The following GRM4 variants were observed in gnomAD, a reference collection of about 807,000 sequenced individuals.
GRM4 encodes metabotropic glutamate receptor 4.
GRM4 carries 28 observed loss-of-function variants against 81.7 expected under a neutral mutation model. The observed-to-expected ratio is 0.34, with a 90% CI of 0.25 to 0.47. GRM4 has a LOEUF of 0.47. Ranked by LOEUF, GRM4 falls within the 20% of genes least tolerant of loss-of-function variation. The pLI, the probability that GRM4 is intolerant of heterozygous loss-of-function variation, is 1.00. For missense variants in GRM4, 948 were observed against 1,290.0 expected, an observed-to-expected ratio of 0.73 and a Z score of 4.06; for synonymous variants, 488 against 528.8, an observed-to-expected ratio of 0.92 and a Z score of 1.06.
chr6:34,075,676 C>G (rs1470572975), intron 3 of GRM4, among the ~76,000 whole-genome samples: 3 of 152,222 alleles, frequency 2.0e-5, no homozygotes, highest in Non-Finnish European at 1.5e-5. Flanking sequence ...TCTCTCTGAG[C>G]CTTATCTCCA....
Position 34,056,640 on chromosome 6 carries a change from G to A in GRM4, c.1072C>T (p.Arg358Cys). The change falls in exon 6 of 11, where the codon CGC becomes TGC. Residue 358 changes from arginine to cysteine, a missense_variant. Transcript: ENST00000538487. ...FSSRTLDNNR[R>C]NIWFAEFWED... ...CAGAACTCGGCAAACCAGATGTTGC[G>A]CCGGTTGTTGTCCAGCGTGCGGCTG... 1 of 1,613,848 alleles carries A rather than the reference G, an allele frequency of 6.2e-7. No homozygotes were observed. The highest frequency in any genetic ancestry group is 8.5e-7 in the Non-Finnish European group (1 of 1,179,972).
chr6:34,030,460 C>G (rs1581586353), intron 9 of GRM4, among the ~76,000 whole-genome samples: 1 of 152,284 alleles, frequency 6.6e-6, no homozygotes, highest in South Asian at 2.1e-4. Flanking sequence ...GCAGAGGAAC[C>G]CTTGCAGTGG....
Position 34,092,105 on chromosome 6 carries a change from G to A in GRM4, c.520-6C>T, listed in dbSNP as rs1451307893. 1.9e-6 allele frequency: 3 copies of A among 1,583,170 alleles called. No homozygotes were observed. The South Asian group carries it at 3.4e-5, about 18-fold the overall frequency. On this transcript the variant is annotated splice_region_variant and splice_polypyrimidine_tract_variant and intron_variant, in intron 2 of 10. Coordinates refer to ENST00000538487, the MANE Select transcript of GRM4 (RefSeq NM_000841.4). The surrounding 1 kb of genome is among the most constrained non-coding windows in gnomAD (Gnocchi z 6.8). ...GCGTAGCTGATCTGGGGTATCTGAG[G>A]GGCGAGAGGGGCTGCTGAGGGTGGC...
chr6:34,107,512 G>A (rs1030056423), intron 2 of GRM4, among the ~76,000 whole-genome samples: 3 of 152,194 alleles, frequency 2.0e-5, no homozygotes, highest in Non-Finnish European at 4.4e-5. Flanking sequence ...ACCGAGAGGC[G>A]ATGGGGATGA....
intron 10 of GRM4, among the ~76,000 whole-genome samples, chr6:34,025,798 A>G (rs537616189): frequency 2.0e-5 from 3 of 152,218 alleles, no homozygotes; most frequent in Non-Finnish European, 4.4e-5. Flanking sequence ...AGAGTCTCTC[A>G]TCTGTAAGAT....
In GRM4 at chr6:34,021,398, G is replaced by A. The variant is rs902485049; in HGVS notation, c.*1423C>T. The A allele has an allele frequency of 1.3e-5, 2 of 152,368 alleles. No individual in the cohort carries two copies. Among genetic ancestry groups the A allele is most frequent in the African/African-American group, 4.8e-5 (2 of 41,440 alleles). 9.4% of individuals were successfully genotyped at this position (152,368 alleles called of 1,614,324 possible). A position where few individuals can be genotyped will look rare whatever the true frequency, so the allele number is the denominator to read the frequency against. On this transcript the variant is annotated 3_prime_UTR_variant, in exon 11 of 11. Transcript: ENST00000538487. The surrounding 1 kb of genome is among the most constrained non-coding windows in gnomAD (Gnocchi z 5.3). ...CCGAGCCTGGAGCCAACACAAGCAG[G>A]AGGGGACGGCTATGAGTGCTGGCAG...
intron 3 of GRM4, among the ~76,000 whole-genome samples, chr6:34,085,653 A>G (rs1334551061): frequency 2.0e-5 from 3 of 152,228 alleles, no homozygotes; most frequent in African/African-American, 7.2e-5. Flanking sequence ...TTCAACAAAC[A>G]TTTATTGAGC....
rs995666844 is a variant in GRM4, at chr6:34,059,731, TCACA to T, written c.873-607_873-604del. 5 of 154,448 alleles carry T rather than the reference TCACA, an allele frequency of 3.2e-5. No homozygotes were observed. The highest frequency in any genetic ancestry group is 7.2e-5 in the Non-Finnish European group (5 of 69,530). 9.6% of individuals were successfully genotyped at this position (154,448 alleles called of 1,614,324 possible). On this transcript the variant is annotated intron_variant, in intron 4 of 10. Transcript: ENST00000538487. The surrounding 1 kb of genome is among the most constrained non-coding windows in gnomAD (Gnocchi z 5.7). ...GGGTGTGGAGCCAGCTGCCCAGTGC[TCACA>T]CACAGCCCAGTCTGCCTGTGATGGT...
chr6:34,079,893 C>T (rs9296111), intron 3 of GRM4, among the ~76,000 whole-genome samples: 34,290 of 152,054 alleles, frequency 0.23, 5,919 homozygotes, highest in African/African-American at 0.47. Context: ...GGCCCAGGGC[C>T]CCACTCTATT....
chr6:34,076,605 G>C (rs963344591), intron 3 of GRM4, among the ~76,000 whole-genome samples: 2 of 152,218 alleles, frequency 1.3e-5, no homozygotes, highest in African/African-American at 2.4e-5. Context: ...CTTGGTGGAG[G>C]GGGTGGTAAC....
At position 34,022,552 on chromosome 6, in the gene GRM4, G is replaced by A. The variant is rs991819711; in HGVS notation, c.*269C>T. On this transcript the variant is annotated 3_prime_UTR_variant, in exon 11 of 11. Coordinates refer to ENST00000538487, the MANE Select transcript of GRM4 (RefSeq NM_000841.4). The surrounding 1 kb of genome is among the most constrained non-coding windows in gnomAD (Gnocchi z 5.6). The stretch of plus-strand genomic sequence containing the variant: ...TGGGGCCCACACGACCTGAGCCCCT[G>A]TGGTTTGGGGCCGGGAGGGGCAATG... The A allele has an allele frequency of 1.9e-6, 1 of 534,616 alleles. No individual in the cohort carries two copies. The highest frequency in any genetic ancestry group is 3.2e-5 in the Admixed American group (1 of 31,506). 33.1% of individuals were successfully genotyped at this position (534,616 alleles called of 1,614,324 possible). A position where few individuals can be genotyped will look rare whatever the true frequency, so the allele number is the denominator to read the frequency against.
intron 2 of GRM4, among the ~76,000 whole-genome samples, chr6:34,120,044 C>T (rs1003994845): frequency 1.3e-5 from 2 of 152,186 alleles, no homozygotes; most frequent in East Asian, 1.9e-4. Context: ...CTCTTGGTAC[C>T]TTGAAGACCG....
Position 34,033,661 on chromosome 6 carries a change from TTCTC to T in GRM4, c.2442+2003_2442+2006del, listed in dbSNP as rs749158710. On this transcript the variant is annotated intron_variant, in intron 9 of 10. Transcript: ENST00000538487. ...CTGGCGCTCACAGCTCGCTCTTTCT[TTCTC>T]TCTCTTTCTTTCTCTTTCTCTCTCT... Among the ~76,000 whole-genome samples, 212 of 151,186 alleles carry T rather than the reference TTCTC, an allele frequency of 1.4e-3. 1 individual carries two copies. The highest frequency in any genetic ancestry group is 6.8e-3 in the Middle Eastern group (2 of 292).
In GRM4 at chr6:34,155,128, G is replaced by T. The variant is rs1451401767; in HGVS notation, c.263C>A (p.Pro88His). The stretch of plus-strand genomic sequence containing the variant: ...GCGGGGGCGGCGGGGGTCTATTTCA[G>T]GGCTGCTTCCCAGCTGGGCGGCCGC... The change falls in exon 1 of 9, where the codon CCT becomes CAT. Residue 88 changes from proline (P) to histidine (H), a missense_variant. Physicochemically the swap from Pro to His is moderately conservative, Grantham distance 77. Coordinates refer to the GRM4 transcript ENST00000374177. 8 of 1,534,040 alleles carry T rather than the reference G, an allele frequency of 5.2e-6. No homozygotes were observed. The Admixed American group carries it at 1.6e-4, about 30-fold the overall frequency.
Position 34,072,621 on chromosome 6 carries a change from ACCG to A in GRM4, c.737-10596_737-10594del, listed in dbSNP as rs1465711256. On this transcript the variant is annotated intron_variant, in intron 3 of 10. Coordinates refer to ENST00000538487, the MANE Select transcript of GRM4 (RefSeq NM_000841.4). Reference sequence around the variant, plus strand: ...GACCACACACACACACACACACATCACCGCATAGATACACACCACACACACACA... The same window carrying A: ...GACCACACACACACACACACACATCACATAGATACACACCACACACACACA... Among the ~76,000 whole-genome samples the A allele has an allele frequency of 1.6e-3, 238 of 148,050 alleles. 1 individual carries two copies. The highest frequency in any genetic ancestry group is 5.8e-3 in the African/African-American group (226 of 38,924).
At chr6:34,030,634 A>G (rs944141928) in intron 9 of GRM4, among the ~76,000 whole-genome samples, 1 of 152,190 alleles carries the variant, frequency 6.6e-6, no homozygotes, top group Non-Finnish European at 1.5e-5. Flanking sequence ...GCAGTCACCC[A>G]GGGGCCTGTG....
intron 6 of GRM4, chr6:34,055,467 C>T (rs1036419118): frequency 6.6e-6 from 1 of 152,224 alleles, no homozygotes; most frequent in African/African-American, 2.4e-5. Flanking sequence ...ATCACACTCA[C>T]TTCTCCCCTG....
In GRM4 at chr6:34,152,097, G is replaced by A. The variant is rs991613769; in HGVS notation, c.312+2982C>T. Among the ~76,000 whole-genome samples, 7 of 152,140 alleles carry A rather than the reference G, an allele frequency of 4.6e-5. No homozygotes were observed. Among genetic ancestry groups the A allele is most frequent in the African/African-American group, 1.4e-4 (6 of 41,422 alleles). Reference sequence around the variant, plus strand: ...CAAGCTCGTTAACTGATCGGCAGTTGAGAATACCAGGTGGGCCCCTCTGTC... The same window carrying A: ...CAAGCTCGTTAACTGATCGGCAGTTAAGAATACCAGGTGGGCCCCTCTGTC... On this transcript the variant is annotated intron_variant, in intron 1 of 8. Coordinates refer to the GRM4 transcript ENST00000374177. The surrounding 1 kb of genome is among the most constrained non-coding windows in gnomAD (Gnocchi z 4.1).
At chr6:34,087,951 CATCCCTGGACACACCTGT>C (rs1412120266) in intron 3 of GRM4, among the ~76,000 whole-genome samples, 10 of 152,076 alleles carry the variant, frequency 6.6e-5, no homozygotes, top group Non-Finnish European at 1.5e-4. Context: ...TCTCTAGCCC[CATCCCTGGACACACCTGT>C]ATCTCCATTT....
Sources: gnomAD v4.1 joint callset for allele counts (sites outside exome capture counted in the v4.1 genomes callset) on GRCh38, gnomAD v4.1.1 for gene constraint, Gnocchi (gnomAD v3.1) non-coding constraint, MANE v1.5 for transcripts, NCBI Gene and HGNC (gene_info 2026-07-23, HGNC 2026-07-21) for gene names.